The following TXK variants were observed in gnomAD, a reference collection of about 807,000 sequenced individuals.
TXK encodes the protein TXK tyrosine kinase.
A neutral mutation model predicts 81.0 loss-of-function variants in TXK; 60 were observed. The observed-to-expected ratio is 0.74, with a 90% confidence interval of 0.60 to 0.92. TXK has a LOEUF of 0.92. TXK is among the 40% of genes least tolerant of loss of function. TXK has a pLI of 0.00. For synonymous variants in TXK, 203 were observed against 210.7 expected, an observed-to-expected ratio of 0.96 and a Z score of 0.32; for missense variants, 581 against 638.3, an observed-to-expected ratio of 0.91 and a Z score of 0.97.
In TXK at chr4:48,114,363, C is replaced by G. The variant is rs149183519; in HGVS notation, c.56G>C (p.Cys19Ser). 1 of 1,614,066 alleles carries G rather than the reference C, an allele frequency of 6.2e-7. No homozygotes were observed. Residue 19 changes from cysteine to serine, a missense_variant, in exon 2 of 15, where the codon TGT (cysteine) becomes TCT (serine). Coordinates refer to ENST00000264316, the MANE Select transcript of TXK (RefSeq NM_003328.3). ...GTAGACTTACCGCTTCTGCACTGAA[C>G]AGCAACAGCAGCAACAGAAAACCGA... ...IQSVFCCCCC[C>S]SVQKRQMRTQ...
chr4:48,086,487 A>T lies in TXK; in HGVS notation c.935T>A (p.Ile312Asn), dbSNP rs545676405. 3 of 1,613,988 alleles carry T rather than the reference A, an allele frequency of 1.9e-6. No homozygotes were observed. Among genetic ancestry groups the T allele is most frequent in the Non-Finnish European group, 2.5e-6 (3 of 1,179,986 alleles). Residue 312 changes from isoleucine (I) to asparagine (N), a missense_variant, in exon 10 of 15, where the codon ATT becomes AAT. Physicochemically the swap from Ile to Asn is moderately radical, Grantham distance 149. Transcript: ENST00000264316. Reference protein sequence around the residue: ...NEGSMSEEDFIEEAKVMMKLS... With the variant: ...NEGSMSEEDFNEEAKVMMKLS... ...GTACATCATCACTTTGGCCTCTTCA[A>T]TGAAATCCTCTTCAGACATGGAGCC...
Position 48,112,314 on chromosome 4 carries a change from G to T in TXK, c.373C>A (p.Arg125Ser). The T allele has an allele frequency of 1.2e-6, 2 of 1,613,976 alleles. No homozygotes were observed. Among genetic ancestry groups the T allele is most frequent in the South Asian group, 1.1e-5 (1 of 91,054 alleles). ...YNPHWWKARD[R>S]LGNEGLIPSN... ...GTCATGTAAGTGTCTTACCCCAAAC[G>T]GTCTCTTGCCTTCCACCAGTGAGGA... Residue 125 changes from arginine (R) to serine (S), a missense_variant, in exon 4 of 15, where the codon CGT becomes AGT. Transcript: ENST00000264316.
At chr4:48,068,179 A>G (rs1169263011) in intron 14 of TXK, among the ~76,000 whole-genome samples, 2 of 152,254 alleles carry the variant, frequency 1.3e-5, no homozygotes, top group Non-Finnish European at 2.9e-5. Flanking sequence ...AATAGCCAGA[A>G]GTGGCTGCCA....
chr4:48,067,820 G>C, intron 14 of TXK, 115 bp from the exon 15 acceptor site: 2 of 991,876 alleles, frequency 2.0e-6, no homozygotes, highest in Non-Finnish European at 3.0e-6. Context: ...CGAGGTCATC[G>C]CCAAGGTCTG....
chr4:48,120,082 C>T (rs962531312), intron 1 of TXK, among the ~76,000 whole-genome samples: 4 of 151,096 alleles, frequency 2.6e-5, no homozygotes, highest in Non-Finnish European at 4.4e-5. Context: ...TATATATACA[C>T]ACACACACAC....
intron 10 of TXK, among the ~76,000 whole-genome samples, 186 bp downstream of exon 10, chr4:48,086,280 A>G: frequency 6.6e-6 from 1 of 152,372 alleles, no homozygotes; most frequent in South Asian, 2.1e-4. Flanking sequence ...AGATGAAGAC[A>G]TTGAGGCTTG....
At position 48,074,786 on chromosome 4, in the gene TXK, C is replaced by CT. The variant is rs892438751; in HGVS notation, c.1239-734dup. ...TATTAATGCTGCCCCTATACTCTCA[C>CT]TTTTTTTTTAAATACACTACCTCCC... On this transcript the variant is annotated intron_variant, in intron 12 of 14. Coordinates refer to ENST00000264316, the MANE Select transcript of TXK (RefSeq NM_003328.3). Among the ~76,000 whole-genome samples the CT allele has an allele frequency of 6.6e-5, 10 of 151,462 alleles. No individual in the cohort carries two copies. In the East Asian group the frequency reaches 9.7e-4, roughly 15 times the overall value.
At chr4:48,104,265 T>C (rs1453580146) in intron 6 of TXK, among the ~76,000 whole-genome samples, 1 of 12,764 alleles carries the variant, frequency 7.8e-5, no homozygotes, top group East Asian at 9.3e-3. Context: ...ATATATAATA[T>C]ATAATATAAT....
chr4:48,081,969 C>T (rs1717319467), intron 10 of TXK, among the ~76,000 whole-genome samples: 1 of 152,120 alleles, frequency 6.6e-6, no homozygotes, highest in Non-Finnish European at 1.5e-5. Flanking sequence ...GTCTTGATGA[C>T]TTTATCTCAA....
Position 48,134,197 on chromosome 4 carries a change from AAC to A in TXK, c.-29_-28del. The stretch of plus-strand genomic sequence containing the variant: ...GTAGCCCCTTCTGCGGGGAGCACAC[AAC>A]AGTCTTCAGTTCTTCTGCGGTGCTC... On this transcript the variant is annotated 5_prime_UTR_variant, in exon 1 of 15. Coordinates refer to ENST00000264316, the MANE Select transcript of TXK (RefSeq NM_003328.3). 1 of 1,612,828 alleles carries A rather than the reference AAC, an allele frequency of 6.2e-7. No individual in the cohort carries two copies. The highest frequency in any genetic ancestry group is 8.5e-7 in the Non-Finnish European group (1 of 1,179,470).
In TXK at chr4:48,088,578, G is replaced by A. The variant is rs547608820; in HGVS notation, c.784+1172C>T. ...GAAGCCAGACACAAAAAACTGCAGC[G>A]TCCGATTCTGTTTATATAACGTAAT... On this transcript the variant is annotated intron_variant, in intron 9 of 14. Transcript: ENST00000264316. Among the ~76,000 whole-genome samples, 32 of 152,200 alleles carry A rather than the reference G, an allele frequency of 2.1e-4. 1 individual carries two copies. Among genetic ancestry groups the A allele is most frequent in the African/African-American group, 1.9e-4 (8 of 41,536 alleles).
intron 10 of TXK, among the ~76,000 whole-genome samples, chr4:48,084,976 G>C (rs972302387): frequency 2.0e-5 from 3 of 152,068 alleles, no homozygotes; most frequent in African/African-American, 7.2e-5. Flanking sequence ...GAGTCTGCAA[G>C]TGCGGGTCAG....
At chr4:48,105,408 A>C (rs1221156682) in intron 5 of TXK, among the ~76,000 whole-genome samples, 1 of 152,126 alleles carries the variant, frequency 6.6e-6, no homozygotes, top group Non-Finnish European at 1.5e-5. Context: ...TGACACTCCT[A>C]AGTATATTAC....
intron 2 of TXK, among the ~76,000 whole-genome samples, chr4:48,113,848 A>AT (rs1299716762): frequency 6.6e-6 from 1 of 152,138 alleles, no homozygotes; most frequent in African/African-American, 2.4e-5. Flanking sequence ...TGAGAACTGT[A>AT]TGAGTTAATA....
intron 6 of TXK, among the ~76,000 whole-genome samples, chr4:48,102,424 A>G (rs1201987471): frequency 6.6e-6 from 1 of 152,224 alleles, no homozygotes; most frequent in Admixed American, 6.5e-5. Flanking sequence ...GGTAATCAAG[A>G]AAATGTTTGA....
chr4:48,071,256 A>G (rs1028846464), intron 14 of TXK, among the ~76,000 whole-genome samples: 2 of 152,180 alleles, frequency 1.3e-5, no homozygotes, highest in Admixed American at 1.3e-4. Context: ...TAACACCAAG[A>G]GTTTCTGCAA....
At chr4:48,131,583 C>T (rs569080867) in intron 1 of TXK, among the ~76,000 whole-genome samples, 1 of 152,262 alleles carries the variant, frequency 6.6e-6, no homozygotes, top group African/African-American at 2.4e-5. Flanking sequence ...CAGTAGACAA[C>T]AGGTGATTCT....
intron 10 of TXK, among the ~76,000 whole-genome samples, chr4:48,081,451 T>C (rs779589574): frequency 2.0e-5 from 3 of 152,188 alleles, no homozygotes; most frequent in Non-Finnish European, 4.4e-5. Context: ...AAAATCTACA[T>C]TCTTGTTTGT....
In TXK at chr4:48,067,523, G is replaced by C. The variant is rs1716652775; in HGVS notation, c.*114C>G. On this transcript the variant is annotated 3_prime_UTR_variant, in exon 15 of 15. Transcript: ENST00000264316. ...ACTGTGATCTTTGCACTGTTTTCAA[G>C]AGTCAGCAACTCTGAAGAAAGATAT... 2 of 1,080,746 alleles carry C rather than the reference G, an allele frequency of 1.9e-6. No individual in the cohort carries two copies. The highest frequency in any genetic ancestry group is 1.6e-5 in the African/African-American group (1 of 64,400). The allele number at this position is 1,080,746 out of a possible 1,614,324, so 66.9% of individuals were successfully genotyped here. A position where few individuals can be genotyped will look rare whatever the true frequency, so the allele number is the denominator to read the frequency against.
Sources: gnomAD v4.1 joint callset for allele counts (sites outside exome capture counted in the v4.1 genomes callset) on GRCh38, gnomAD v4.1.1 for gene constraint, MANE v1.5 for transcripts, NCBI Gene and HGNC (gene_info 2026-07-23, HGNC 2026-07-21) for gene names.